The following CMSS1 variants were observed in gnomAD, a reference collection of about 807,000 sequenced individuals.
CMSS1 encodes the protein cms1 ribosomal small subunit homolog.
CMSS1 carries 33 observed loss-of-function variants against 43.5 expected under a neutral mutation model. The ratio of observed to expected loss-of-function variants is 0.76; its 90% confidence interval spans 0.57 to 1.01. CMSS1 has a LOEUF of 1.01. CMSS1 is among the 50% of genes least tolerant of loss of function. CMSS1 has a pLI of 0.00. For missense variants in CMSS1, 313 were observed against 326.4 expected (o/e 0.96, Z 0.32); for synonymous variants, 115 against 117.2 (o/e 0.98, Z 0.12).
chr3:100,088,841 G>A (rs1019956089), intron 1 of CMSS1, among the ~76,000 whole-genome samples: 1 of 151,858 alleles, frequency 6.6e-6, no homozygotes, highest in Non-Finnish European at 1.5e-5. Flanking sequence ...CTTTCTCTGG[G>A]TAGTATTTAT....
chr3:100,050,854 G>A (rs562049827), intron 1 of CMSS1, among the ~76,000 whole-genome samples: 20 of 152,048 alleles, frequency 1.3e-4, no homozygotes, highest in African/African-American at 4.8e-4. Context: ...TTAAATTAGC[G>A]GCTTTAACTT....
chr3:99,924,584 TCTCGA>T (rs1381926293), intron 1 of CMSS1, among the ~76,000 whole-genome samples: 2 of 152,216 alleles, frequency 1.3e-5, no homozygotes, highest in African/African-American at 4.8e-5. Flanking sequence ...AATGGCGCGA[TCTCGA>T]CTCACTGCAA....
chr3:99,837,446 A>G (rs1368413469), intron 1 of CMSS1, among the ~76,000 whole-genome samples: 6 of 152,150 alleles, frequency 3.9e-5, no homozygotes, highest in Non-Finnish European at 7.4e-5. Flanking sequence ...AGAGAAAAAA[A>G]AAAAACAGCC....
chr3:100,100,938 G>GT lies in CMSS1; in HGVS notation c.65-46034dup, dbSNP rs1207094339. Among the ~76,000 whole-genome samples the GT allele has an allele frequency of 2.6e-5, 4 of 152,284 alleles. No individual in the cohort carries two copies. The East Asian group carries it at 7.7e-4, about 29-fold the overall frequency. ...GTTGACCAAGATTTAGCTTCCTTGT[G>GT]TGTTAGTGGTCAGTTTTTTAGCCCA... On this transcript the variant is annotated intron_variant, in intron 1 of 9. Coordinates refer to ENST00000421999, the MANE Select transcript of CMSS1 (RefSeq NM_032359.4).
intron 1 of CMSS1, among the ~76,000 whole-genome samples, chr3:99,911,740 C>G (rs1706795789): frequency 6.6e-6 from 1 of 152,170 alleles, no homozygotes; most frequent in South Asian, 2.1e-4. Context: ...CTTGTACATG[C>G]CTCTGTTACA....
chr3:100,015,205 A>C (rs527855395), intron 1 of CMSS1, among the ~76,000 whole-genome samples: 43 of 151,876 alleles, frequency 2.8e-4, no homozygotes, highest in Non-Finnish European at 5.9e-4. Context: ...TTGACCCTAA[A>C]GATGTGGATT....
At chr3:100,126,540 A>G (rs1576089410) in intron 1 of CMSS1, among the ~76,000 whole-genome samples, 1 of 152,200 alleles carries the variant, frequency 6.6e-6, no homozygotes, top group African/African-American at 2.4e-5. Flanking sequence ...TATCTTTATC[A>G]TAAGTCTTGG....
intron 8 of CMSS1, 42 bp from the exon 9 acceptor site, chr3:100,176,285 A>G (rs766215129): frequency 7.7e-7 from 1 of 1,294,060 alleles, no homozygotes; most frequent in Non-Finnish European, 1.1e-6. Flanking sequence ...AGCTTATGTC[A>G]TGAGGTCTTT....
chr3:100,172,396 TA>T lies in CMSS1; in HGVS notation c.663del (p.Lys221AsnfsTer7). 4.3e-6 allele frequency: 7 copies of T among 1,613,102 alleles called. No homozygotes were observed. The highest frequency in any genetic ancestry group is 4.2e-6 in the Non-Finnish European group (5 of 1,179,254). Reference protein sequence around the residue: ...GTPGRIKELVKQGGLNLSPLK... With the variant: ...GTPGRIKELVXQGGLNLSPLK... ...CTCCGGGGAGAATTAAAGAACTTGT[TA>T]AACAAGGTATGACAAGAGGGCAGTG... On this transcript the variant is annotated frameshift_variant, in exon 8 of 10. Coordinates refer to ENST00000421999, the MANE Select transcript of CMSS1 (RefSeq NM_032359.4). LOFTEE classifies it high-confidence loss of function.
chr3:100,054,982 C>T (rs1193403248), intron 1 of CMSS1, among the ~76,000 whole-genome samples: 1 of 152,156 alleles, frequency 6.6e-6, no homozygotes, highest in Non-Finnish European at 1.5e-5. Context: ...CTTGCAGAGC[C>T]TCTTTTGGGC....
At chr3:100,113,823 A>G (rs114665438) in intron 1 of CMSS1, among the ~76,000 whole-genome samples, 40 of 152,206 alleles carry the variant, frequency 2.6e-4, no homozygotes, top group Admixed American at 9.8e-4. Context: ...GTGTATCACT[A>G]TAGTAAAACT....
chr3:99,959,627 G>A (rs985008239), intron 1 of CMSS1, among the ~76,000 whole-genome samples: 3 of 152,134 alleles, frequency 2.0e-5, no homozygotes, highest in African/African-American at 7.2e-5. Context: ...TTAGTAATCT[G>A]TAGACCAAAA....
intron 1 of CMSS1, among the ~76,000 whole-genome samples, chr3:100,126,231 G>GT (rs921998594): frequency 5.3e-5 from 8 of 152,108 alleles, no homozygotes; most frequent in African/African-American, 9.7e-5. Context: ...TGCTTTTCAT[G>GT]TTTTTTTAAA....
chr3:100,036,822 A>G (rs1317141606), intron 1 of CMSS1, among the ~76,000 whole-genome samples: 5 of 152,210 alleles, frequency 3.3e-5, no homozygotes, highest in South Asian at 2.1e-4. Flanking sequence ...ACCATCATCA[A>G]TAGTAGAACA....
chr3:99,848,872 A>G (rs1444795914), intron 1 of CMSS1: 2 of 1,613,876 alleles, frequency 1.2e-6, no homozygotes, highest in Non-Finnish European at 1.7e-6. Context: ...GTTCGGTATC[A>G]CTGCAGTACT....
At chr3:99,915,053 T>G (rs576561333) in intron 1 of CMSS1, among the ~76,000 whole-genome samples, 12 of 152,334 alleles carry the variant, frequency 7.9e-5, no homozygotes, top group Admixed American at 7.8e-4. Flanking sequence ...GGATCATTTT[T>G]TTTCTTCTAG....
intron 1 of CMSS1, among the ~76,000 whole-genome samples, chr3:100,107,617 A>T (rs1049888291): frequency 2.6e-5 from 4 of 152,196 alleles, no homozygotes; most frequent in Admixed American, 1.3e-4. Flanking sequence ...GAAAGAACAA[A>T]TAAAACCCTG....
At chr3:100,119,718 T>C (rs1468034088) in intron 1 of CMSS1, among the ~76,000 whole-genome samples, 1 of 152,142 alleles carries the variant, frequency 6.6e-6, no homozygotes, top group Non-Finnish European at 1.5e-5. Flanking sequence ...AATAAGAAAA[T>C]TACACATATT....
intron 1 of CMSS1, among the ~76,000 whole-genome samples, chr3:99,949,173 T>C (rs1313633098): frequency 6.6e-6 from 1 of 152,240 alleles, no homozygotes; most frequent in African/African-American, 2.4e-5. Context: ...GAGTGATTTA[T>C]TGTTAAGATT....
Sources: gnomAD v4.1 joint callset for allele counts (sites outside exome capture counted in the v4.1 genomes callset) on GRCh38, gnomAD v4.1.1 for gene constraint, MANE v1.5 for transcripts, NCBI Gene and HGNC (gene_info 2026-07-23, HGNC 2026-07-21) for gene names.